Variants in CDCA5 observed in about 807,000 individuals in gnomAD.
The protein encoded by CDCA5 is sororin.
A neutral mutation model predicts 25.7 loss-of-function variants in CDCA5; 14 were observed. The observed-to-expected ratio is 0.54, with a 90% CI of 0.36 to 0.85. CDCA5 has a LOEUF of 0.85. Ranked by LOEUF, CDCA5 falls within the 40% of genes least tolerant of loss-of-function variation. CDCA5 has a pLI of 0.01. For synonymous variants in CDCA5, 127 were observed against 128.7 expected, an observed-to-expected ratio of 0.99 and a Z score of 0.09; for missense variants, 307 against 324.5, an observed-to-expected ratio of 0.95 and a Z score of 0.41.
intron 1 of CDCA5, among the ~76,000 whole-genome samples, chr11:65,070,813 A>G (rs1565270939): frequency 6.6e-6 from 1 of 152,156 alleles, no homozygotes; most frequent in Non-Finnish European, 1.5e-5. Context: ...CAAAATGCCT[A>G]TCTAGAAGTG....
At chr11:65,066,154 C>T (rs376585544), downstream of CDCA5, 169 of 226,964 alleles carry the variant, frequency 7.4e-4, 2 homozygotes, top group South Asian at 7.6e-3. Context: ...AGGGCCATGT[C>T]GGGGAGGGGT....
rs371092389 is a variant in CDCA5, at chr11:65,081,720, C to G, written c.243+1644G>C. 2.0e-5 allele frequency among the ~76,000 whole-genome samples: 3 copies of G among 152,260 alleles called. No homozygotes were observed. In the East Asian group the frequency reaches 5.8e-4, roughly 29 times the overall value. ...GTGGCTCATGCCTGTAATCCCAACA[C>G]TTTAGGAGGCCAAGGTGGGAGGATC... On this transcript the variant is annotated intron_variant, in intron 4 of 5. Transcript: ENST00000275517.
intron 4 of CDCA5, among the ~76,000 whole-genome samples, chr11:65,080,274 G>GA (rs1299465221): frequency 6.6e-6 from 1 of 152,156 alleles, no homozygotes; most frequent in African/African-American, 2.4e-5. Flanking sequence ...TGCTTCCAAG[G>GA]AGTCTGCTTT....
At chr11:65,063,427 C>T (rs1037063965), downstream of CDCA5, among the ~76,000 whole-genome samples, 33 of 152,314 alleles carry the variant, frequency 2.2e-4, no homozygotes, top group African/African-American at 7.5e-4. Context: ...GGTAGATCCA[C>T]TGGAGATCAG....
chr11:65,062,800 C>T (rs902256542), downstream of CDCA5, among the ~76,000 whole-genome samples: 10 of 152,140 alleles, frequency 6.6e-5, no homozygotes, highest in Non-Finnish European at 1.0e-4. Context: ...TTGCATTCCT[C>T]CCCCTCCCTC....
chr11:65,079,625 A>C lies in CDCA5; in HGVS notation c.406T>G (p.Leu136Val). 6.2e-7 allele frequency: 1 copy of C among 1,609,930 alleles called. No homozygotes were observed. Among genetic ancestry groups the C allele is most frequent in the South Asian group, 1.1e-5 (1 of 90,826 alleles). Residue 136 changes from leucine (L) to valine (V), a missense_variant, in exon 5 of 6, where the codon TTG (leucine) becomes GTG (valine). Leu to Val is a conservative substitution (Grantham distance 32). Coordinates refer to ENST00000275517, the MANE Select transcript of CDCA5 (RefSeq NM_080668.4). ...CGCCTGACTTTCTTAGACATTTCCA[A>C]GTCTCTGGCGTCCAGCTCTCCTTCC... ...SKEGELDARD[L>V]EMSKKVRRSY...
chr11:65,073,330 AATT>A (rs1947377205), downstream of CDCA5, among the ~76,000 whole-genome samples: 1 of 152,170 alleles, frequency 6.6e-6, no homozygotes, highest in African/African-American at 2.4e-5. Context: ...ATCAGAGTCT[AATT>A]ATTATCATTT....
Position 65,083,392 on chromosome 11 carries a change from G to T in CDCA5, c.215C>A (p.Ala72Asp), listed in dbSNP as rs763682096. 1 of 1,614,230 alleles carries T rather than the reference G, an allele frequency of 6.2e-7. No individual in the cohort carries two copies. The highest frequency in any genetic ancestry group is 8.5e-7 in the Non-Finnish European group (1 of 1,180,048). The change falls in exon 4 of 6, where the codon GCT becomes GAT. Residue 72 changes from alanine to aspartate, a missense_variant. Coordinates refer to ENST00000275517, the MANE Select transcript of CDCA5 (RefSeq NM_080668.4). ...RIVAHAVEVP[A>D]VQSPRRSPRI... ...AGGGCTCCTGCGAGGTGATTGGACA[G>T]CTGGGACCTGCGGGGGACAATACCA...
rs924737148 is a variant in CDCA5, at chr11:65,078,663, A to C, written c.*444T>G. The C allele has an allele frequency of 2.0e-6, 2 of 994,516 alleles. No individual in the cohort carries two copies. Among genetic ancestry groups the C allele is most frequent in the African/African-American group, 3.5e-5 (2 of 57,640 alleles). 61.6% of individuals were successfully genotyped at this position (994,516 alleles called of 1,614,324 possible). A position where few individuals can be genotyped will look rare whatever the true frequency, so the allele number is the denominator to read the frequency against. On this transcript the variant is annotated 3_prime_UTR_variant, in exon 6 of 6. Transcript: ENST00000275517. The stretch of plus-strand genomic sequence containing the variant: ...CACAGGTGGGTTCAAGAAGAAAGCC[A>C]CCAACAGAAGGCAACTCAGGAGGGA...
At chr11:65,062,513 G>A (rs1218365318), downstream of CDCA5, among the ~76,000 whole-genome samples, 2 of 152,146 alleles carry the variant, frequency 1.3e-5, no homozygotes, top group African/African-American at 4.8e-5. Flanking sequence ...GTGCCTTTGT[G>A]TTGGCAGCTC....
At chr11:65,071,169 C>A (rs1947334665) in intron 1 of CDCA5, among the ~76,000 whole-genome samples, 1 of 151,624 alleles carries the variant, frequency 6.6e-6, no homozygotes, top group Admixed American at 6.6e-5. Flanking sequence ...GTCTCGATCT[C>A]CTGACCTCAT....
chr11:65,083,980 AC>A lies in CDCA5; in HGVS notation c.-3del. On this transcript the variant is annotated 5_prime_UTR_variant, in exon 1 of 6. Transcript: ENST00000275517. ...GGACCGCGTTCGCCTCCCAGACATA[AC>A]TTAGGCTCCGTCTCGAGCTCCTCCA... The A allele has an allele frequency of 1.3e-6, 2 of 1,487,472 alleles. No individual in the cohort carries two copies. The highest frequency in any genetic ancestry group is 2.1e-5 in the Admixed American group (1 of 47,750). 92.1% of individuals were successfully genotyped at this position (1,487,472 alleles called of 1,614,324 possible).
At chr11:65,071,204 A>C (rs1376452366) in intron 1 of CDCA5, among the ~76,000 whole-genome samples, 1 of 151,800 alleles carries the variant, frequency 6.6e-6, no homozygotes, top group African/African-American at 2.4e-5. Flanking sequence ...GGCCTCCCAA[A>C]GTGCTGAGAT....
At position 65,078,140 on chromosome 11, in the gene CDCA5, C is replaced by T. The variant is rs1023713301; in HGVS notation, c.*967G>A. The T allele has an allele frequency of 2.3e-5, 23 of 985,444 alleles. No individual in the cohort carries two copies. In the Admixed American group the frequency reaches 6.1e-4, roughly 26 times the overall value. The allele number at this position is 985,444 out of a possible 1,614,324, so 61.0% of individuals were successfully genotyped here. On this transcript the variant is annotated 3_prime_UTR_variant, in exon 6 of 6. Coordinates refer to ENST00000275517, the MANE Select transcript of CDCA5 (RefSeq NM_080668.4). ...GGAAACTTTCCGAGGACTTTACAAG[C>T]ATAGTTGCAAAATGCTAGTAGGTCT...
downstream of CDCA5, among the ~76,000 whole-genome samples, chr11:65,063,614 G>A (rs1358559270): frequency 6.6e-6 from 1 of 152,216 alleles, no homozygotes; most frequent in East Asian, 1.9e-4. Flanking sequence ...GCACATTCAC[G>A]AAGCTATCCC....
downstream of CDCA5, among the ~76,000 whole-genome samples, chr11:65,072,908 C>T (rs992750866): frequency 2.0e-5 from 3 of 150,676 alleles, no homozygotes; most frequent in Admixed American, 2.0e-4. Context: ...ACTTACCATG[C>T]ACCAAGTGCT....
At position 65,066,843 on chromosome 11, in the gene CDCA5, G is replaced by A. The variant is rs376175492; in HGVS notation, c.405C>T (p.Asn135=). The stretch of plus-strand genomic sequence containing the variant: ...TCTGCAGCTTCTCCCCCAGGGCCAG[G>A]TTGTGCACTTGGGTGGTGTTCAGTG... The change falls in exon 5 of 7, where the codon AAC becomes AAT. Residue 135 remains asparagine (N), a synonymous_variant. Coordinates refer to the CDCA5 transcript ENST00000525464. 5.7e-5 allele frequency: 73 copies of A among 1,289,344 alleles called. 1 individual carries two copies. The South Asian group carries it at 7.9e-4, about 14-fold the overall frequency. 79.9% of individuals were successfully genotyped at this position (1,289,344 alleles called of 1,614,324 possible). A position where few individuals can be genotyped will look rare whatever the true frequency, so the allele number is the denominator to read the frequency against.
downstream of CDCA5, chr11:65,066,262 T>G: frequency 9.4e-7 from 1 of 1,058,420 alleles, no homozygotes; most frequent in South Asian, 1.9e-5. Flanking sequence ...GCTCCCCACC[T>G]GAGCCCAGGG....
At chr11:65,067,131 C>T (rs570989467) in intron 4 of CDCA5, among the ~76,000 whole-genome samples, 1 of 152,240 alleles carries the variant, frequency 6.6e-6, no homozygotes, top group African/African-American at 2.4e-5. Flanking sequence ...AAGAGCAGGG[C>T]AGGCTGCTTC....
Sources: allele counts gnomAD v4.1 joint callset (sites outside exome capture counted in the v4.1 genomes callset), GRCh38; gene constraint gnomAD v4.1.1; transcripts MANE v1.5; gene names NCBI Gene and HGNC (gene_info 2026-07-23, HGNC 2026-07-21).